DNAJC13: variants seen among roughly 807,000 people sequenced by gnomAD.
DNAJC13 encodes DnaJ heat shock protein family (Hsp40) member C13, also known as dnaJ homolog subfamily C member 13.
DNAJC13 carries 75 observed loss-of-function variants against 290.5 expected under a neutral mutation model. The ratio of observed to expected loss-of-function variants is 0.26; its 90% confidence interval spans 0.21 to 0.31. The LOEUF (loss-of-function observed/expected upper bound fraction) is 0.31. DNAJC13 is among the 10% of genes least tolerant of loss of function. DNAJC13 has a pLI of 1.00. For missense variants in DNAJC13, 2,260 were observed against 2,674.5 expected, an observed-to-expected ratio of 0.85 and a Z score of 3.42; for synonymous variants, 862 against 892.0, an observed-to-expected ratio of 0.97 and a Z score of 0.60.
chr3:132,459,607 AAGT>A lies in DNAJC13; in HGVS notation c.1450-641_1450-639del, dbSNP rs568248502. ...ATATGTAGTTTACCACAATAAAAAA[AAGT>A]AAGAAACAATGCTATGAAACAAACA... is the stretch of plus-strand genomic sequence containing the variant. On this transcript the variant is annotated intron_variant, in intron 13 of 55. Transcript: ENST00000260818. Among the ~76,000 whole-genome samples, 27 of 152,336 alleles carry A rather than the reference AAGT, an allele frequency of 1.8e-4. No homozygotes were observed. The East Asian group carries it at 5.0e-3, about 28-fold the overall frequency.
chr3:132,473,112 G>A, intron 20 of DNAJC13, 33 bp from the exon 21 acceptor site: 2 of 1,472,880 alleles, frequency 1.4e-6, no homozygotes, highest in Non-Finnish European at 1.9e-6. Flanking sequence ...GGTAGCCCCA[G>A]ATTGAGCACT....
chr3:132,436,839 G>A (rs1232967606), intron 2 of DNAJC13, among the ~76,000 whole-genome samples: 3 of 149,886 alleles, frequency 2.0e-5, no homozygotes, highest in Non-Finnish European at 3.0e-5. Context: ...ATAATCTATT[G>A]AAATCATTTA....
intron 20 of DNAJC13, chr3:132,472,713 A>G (rs950425805): frequency 5.2e-6 from 3 of 574,728 alleles, no homozygotes; most frequent in Admixed American, 6.3e-5. Flanking sequence ...TCCATTAGCT[A>G]TTTCAATTTG....
chr3:132,490,928 T>C lies in DNAJC13; in HGVS notation c.3500T>C (p.Ile1167Thr), dbSNP rs765050170. The change falls in exon 32 of 56, where the codon ATA (isoleucine) becomes ACA (threonine). Residue 1167 changes from isoleucine to threonine, a missense_variant. By Grantham distance (89) the Ile-to-Thr change is moderately conservative. This residue lies in a region of DNAJC13 where 1,494 missense variants were observed against 1,693.7 expected (regional missense o/e 0.88). Coordinates refer to ENST00000260818, the MANE Select transcript of DNAJC13 (RefSeq NM_015268.4). ...TKGQDIFQRSILGHILPEAMV... is the reference protein window; with the variant it reads ...TKGQDIFQRSTLGHILPEAMV... Reference sequence around the variant, plus strand: ...GGACAAGATATTTTTCAGAGAAGTATACTTGGGCACATTCTACCTGAAGCA... The same window carrying C: ...GGACAAGATATTTTTCAGAGAAGTACACTTGGGCACATTCTACCTGAAGCA... 1.9e-6 allele frequency: 3 copies of C among 1,608,610 alleles called. No individual in the cohort carries two copies. Among genetic ancestry groups the C allele is most frequent in the Non-Finnish European group, 8.5e-7 (1 of 1,178,144 alleles).
chr3:132,461,177 A>G lies in DNAJC13; in HGVS notation c.1685A>G (p.Asn562Ser), dbSNP rs754638407. The change falls in exon 15 of 56, where the codon AAT (asparagine) becomes AGT (serine). Residue 562 changes from asparagine to serine, a missense_variant. This residue lies in a region of DNAJC13 where 762 missense variants were observed against 964.1 expected (regional missense o/e 0.79). Transcript: ENST00000260818. ...FDMLLEMVASNGRTLFKLFQH... is the reference protein window; with the variant it reads ...FDMLLEMVASSGRTLFKLFQH... The stretch of plus-strand genomic sequence containing the variant: ...ATGCTCTTGGAGATGGTAGCATCCA[A>G]TGGAAGAACCCTTTTTAAACTTTTT... 2.7e-5 allele frequency: 43 copies of G among 1,613,952 alleles called. No individual in the cohort carries two copies. Among genetic ancestry groups the G allele is most frequent in the African/African-American group, 2.7e-5 (2 of 74,920 alleles).
Position 132,538,326 on chromosome 3 carries a change from T to A in DNAJC13, c.*44T>A, listed in dbSNP as rs1459518002. The A allele has an allele frequency of 2.7e-6, 4 of 1,483,812 alleles. No individual in the cohort carries two copies. The highest frequency in any genetic ancestry group is 3.7e-6 in the Non-Finnish European group (4 of 1,069,126). The allele number at this position is 1,483,812 out of a possible 1,614,324, so 91.9% of individuals were successfully genotyped here. A position where few individuals can be genotyped will look rare whatever the true frequency, so the allele number is the denominator to read the frequency against. ...TAAACGCTGAAAGGCCAGTGCCAAG[T>A]CCACATTCCTCCAGCTGATACGTTG... On this transcript the variant is annotated 3_prime_UTR_variant, in exon 56 of 56. Coordinates refer to ENST00000260818, the MANE Select transcript of DNAJC13 (RefSeq NM_015268.4).
Position 132,504,520 on chromosome 3 carries a change from A to T in DNAJC13, c.4885-782A>T, listed in dbSNP as rs532335565. Among the ~76,000 whole-genome samples the T allele has an allele frequency of 6.6e-5, 10 of 152,218 alleles. No individual in the cohort carries two copies. The South Asian group carries it at 1.9e-3, about 28-fold the overall frequency. ...ACCCCCACTAAAAATTTTTTATAGC[A>T]TTTCAAAATTAAATGTTGGCATGAG... On this transcript the variant is annotated intron_variant, in intron 41 of 55. Transcript: ENST00000260818.
chr3:132,469,532 T>A (rs1391785477), intron 20 of DNAJC13, among the ~76,000 whole-genome samples: 1 of 152,230 alleles, frequency 6.6e-6, no homozygotes, highest in African/African-American at 2.4e-5. Context: ...GTCCTTTTTC[T>A]GTATAGCATT....
intron 36 of DNAJC13, among the ~76,000 whole-genome samples, chr3:132,498,366 T>C (rs1935299650): frequency 6.6e-6 from 1 of 152,186 alleles, no homozygotes; most frequent in African/African-American, 2.4e-5. Flanking sequence ...CATGTAAATG[T>C]CTTCTCAGTC....
chr3:132,437,012 G>A (rs780231483), intron 2 of DNAJC13, among the ~76,000 whole-genome samples: 2 of 151,510 alleles, frequency 1.3e-5, no homozygotes, highest in African/African-American at 2.4e-5. Flanking sequence ...CCGAGTAGCT[G>A]GGATTACAGG....
At chr3:132,441,724 A>T (rs1468892693) in intron 2 of DNAJC13, among the ~76,000 whole-genome samples, 1 of 152,218 alleles carries the variant, frequency 6.6e-6, no homozygotes, top group Non-Finnish European at 1.5e-5. Flanking sequence ...GGCGACCAGT[A>T]TTTTTGTAGT....
chr3:132,477,911 C>T lies in DNAJC13; in HGVS notation c.2549+19C>T. The T allele has an allele frequency of 6.2e-7, 1 of 1,605,476 alleles. No individual in the cohort carries two copies. Among genetic ancestry groups the T allele is most frequent in the Non-Finnish European group, 8.5e-7 (1 of 1,176,858 alleles). The stretch of plus-strand genomic sequence containing the variant: ...AGAGATCGTGAGCTACTCTGTATAT[C>T]CTGTCGCATTTGTTTTCACTGTTGG... On this transcript the variant is annotated intron_variant, in intron 23 of 55. Coordinates refer to ENST00000260818, the MANE Select transcript of DNAJC13 (RefSeq NM_015268.4).
intron 6 of DNAJC13, among the ~76,000 whole-genome samples, chr3:132,451,245 T>C (rs1470658463): frequency 1.3e-5 from 2 of 152,094 alleles, no homozygotes; most frequent in Non-Finnish European, 2.9e-5. Flanking sequence ...GAGGATAGCT[T>C]GAGCCCAGGA....
rs187408779 is a variant in DNAJC13 at position 132,511,419 on chromosome 3, A to G, written c.5293+175A>G. Among the ~76,000 whole-genome samples, 9 of 152,276 alleles carry G rather than the reference A, an allele frequency of 5.9e-5. No individual in the cohort carries two copies. The East Asian group carries it at 1.5e-3, about 26-fold the overall frequency. On this transcript the variant is annotated intron_variant, in intron 44 of 55. Coordinates refer to ENST00000260818, the MANE Select transcript of DNAJC13 (RefSeq NM_015268.4). ...TTTTACAATAAAAGTTAAGCTGGGG[A>G]GAGAGGTCAAGGCACTATGTTTAGA... is the stretch of plus-strand genomic sequence containing the variant.
chr3:132,479,124 G>A (rs1295005846), intron 24 of DNAJC13, 103 bp from the exon 25 acceptor site: 10 of 590,830 alleles, frequency 1.7e-5, no homozygotes, highest in Non-Finnish European at 2.7e-5. Context: ...TTTATAAAAT[G>A]GCATTACTTC....
At chr3:132,449,136 T>C (rs146598282) in intron 5 of DNAJC13, among the ~76,000 whole-genome samples, 1 of 152,294 alleles carries the variant, frequency 6.6e-6, no homozygotes, top group Non-Finnish European at 1.5e-5. Context: ...ACACCTGTAT[T>C]GTCCTAATAA....
chr3:132,475,190 C>A, intron 22 of DNAJC13, 105 bp downstream of exon 22: 2 of 739,590 alleles, frequency 2.7e-6, no homozygotes, highest in Non-Finnish European at 3.9e-6. Flanking sequence ...CTGGTCTTTA[C>A]CTTTCCCCCT....
chr3:132,510,926 C>T (rs1559906125), intron 43 of DNAJC13, 141 bp from the exon 44 acceptor site: 2 of 858,382 alleles, frequency 2.3e-6, no homozygotes, highest in South Asian at 1.8e-5. Flanking sequence ...CTACATCCCC[C>T]CTATAGTGCA....
chr3:132,448,681 G>A (rs1933327934), intron 5 of DNAJC13, among the ~76,000 whole-genome samples: 1 of 152,088 alleles, frequency 6.6e-6, no homozygotes, highest in South Asian at 2.1e-4. Flanking sequence ...CTGATATGCG[G>A]GCAGCACCAT....
Sources: gnomAD v4.1 joint callset for allele counts (sites outside exome capture counted in the v4.1 genomes callset) on GRCh38, gnomAD v4.1.1 for gene constraint, gnomAD v4.1.1 regional missense constraint, MANE v1.5 for transcripts, NCBI Gene and HGNC (gene_info 2026-07-23, HGNC 2026-07-21) for gene names.